SLC35D4: variants seen among roughly 807,000 people sequenced by gnomAD.
SLC35D4 encodes the protein UDP-N-acetylglucosamine transporter SLC35D4.
At chr18:23,412,316 C>CA in the SLC35D4 span, among the ~76,000 whole-genome samples, 1 of 152,104 alleles carries the variant, frequency 6.6e-6, no homozygotes, top group Admixed American at 6.6e-5. Flanking sequence ...GACTCTGTCT[C>CA]AAAAAACAAA....
chr18:23,323,506 A>T, the SLC35D4 span, among the ~76,000 whole-genome samples: 1 of 152,176 alleles, frequency 6.6e-6, no homozygotes, highest in Admixed American at 6.5e-5. Flanking sequence ...CAAGGACTGG[A>T]CCCTGGCTCC....
At chr18:23,408,809 T>C in the SLC35D4 span, among the ~76,000 whole-genome samples, 1 of 141,382 alleles carries the variant, frequency 7.1e-6, no homozygotes, top group East Asian at 2.0e-4. Flanking sequence ...TTCTATATCT[T>C]ATCTCTCTTT....
the SLC35D4 span, among the ~76,000 whole-genome samples, chr18:23,367,593 T>G: frequency 0.019 from 2,850 of 152,056 alleles, 89 homozygotes; most frequent in African/African-American, 0.065. Context: ...TCCTACACTG[T>G]GACCTCCTTG....
At chr18:23,281,657 G>C in the SLC35D4 span, among the ~76,000 whole-genome samples, 2 of 152,128 alleles carry the variant, frequency 1.3e-5, no homozygotes, top group African/African-American at 4.8e-5. Flanking sequence ...ATCTCTGTGT[G>C]TCTAAGAAGA....
At chr18:23,391,498 A>G in the SLC35D4 span, among the ~76,000 whole-genome samples, 1 of 152,150 alleles carries the variant, frequency 6.6e-6, no homozygotes, top group South Asian at 2.1e-4. Context: ...GAAAACTTCA[A>G]TTAGTTGTAA....
chr18:23,274,973 TTG>T, the SLC35D4 span, among the ~76,000 whole-genome samples: 13 of 145,144 alleles, frequency 9.0e-5, no homozygotes, highest in African/African-American at 2.3e-4. Context: ...GTGTGTGCGC[TTG>T]TGTCTGAGTG....
At chr18:23,283,503 AAAAGAAAAG>A in the SLC35D4 span, among the ~76,000 whole-genome samples, 1,166 of 150,208 alleles carry the variant, frequency 7.8e-3, 25 homozygotes, top group South Asian at 0.052. Flanking sequence ...AGAAAGAAAG[AAAAGAAAAG>A]AAAGAAAAGA....
chr18:23,436,437 C>T, the SLC35D4 span, among the ~76,000 whole-genome samples: 1 of 152,134 alleles, frequency 6.6e-6, no homozygotes, highest in Admixed American at 6.6e-5. Flanking sequence ...GAAGTAAAAC[C>T]CATCACTGCC....
At chr18:23,302,163 G>A in the SLC35D4 span, among the ~76,000 whole-genome samples, 1 of 152,220 alleles carries the variant, frequency 6.6e-6, no homozygotes, top group East Asian at 1.9e-4. Context: ...CCTGTCACTC[G>A]CCAGCCACCT....
the SLC35D4 span, among the ~76,000 whole-genome samples, chr18:23,335,113 C>T: frequency 6.6e-6 from 1 of 152,056 alleles, no homozygotes; most frequent in Non-Finnish European, 1.5e-5. Flanking sequence ...TGAATAACTA[C>T]ACTTTATACA....
chr18:23,414,343 C>CAGGT, the SLC35D4 span, among the ~76,000 whole-genome samples: 1 of 109,148 alleles, frequency 9.2e-6, no homozygotes, highest in Non-Finnish European at 2.0e-5. Flanking sequence ...GGCAGGCAGG[C>CAGGT]AGGCAGGCAG....
At chr18:23,275,016 T>TGTGTGAGTGTGCGTATGC in the SLC35D4 span, among the ~76,000 whole-genome samples, 2 of 149,216 alleles carry the variant, frequency 1.3e-5, no homozygotes, top group East Asian at 4.0e-4. Flanking sequence ...TGTATGTGTG[T>TGTGTGAGTGTGCGTATGC]GCTTGTGTGT....
chr18:23,241,671 C>A, the SLC35D4 span, among the ~76,000 whole-genome samples: 1 of 152,202 alleles, frequency 6.6e-6, no homozygotes, highest in Non-Finnish European at 1.5e-5. Context: ...TTTAATTTCT[C>A]TTGGGGTAAA....
chr18:23,369,196 T>C, the SLC35D4 span, among the ~76,000 whole-genome samples: 1 of 152,250 alleles, frequency 6.6e-6, no homozygotes, highest in Non-Finnish European at 1.5e-5. Flanking sequence ...GCAACTCTAC[T>C]GGCTTCTTGC....
the SLC35D4 span, among the ~76,000 whole-genome samples, chr18:23,295,425 C>T: frequency 6.6e-6 from 1 of 151,884 alleles, no homozygotes; most frequent in Non-Finnish European, 1.5e-5. Flanking sequence ...CAGGCAGCTA[C>T]TATTATTTTT....
the SLC35D4 span, among the ~76,000 whole-genome samples, chr18:23,292,775 G>A: frequency 3.9e-5 from 6 of 152,176 alleles, no homozygotes; most frequent in African/African-American, 1.4e-4. Context: ...CTACCATTGG[G>A]AAGAATCAAT....
chr18:23,397,319 A>G, the SLC35D4 span, among the ~76,000 whole-genome samples: 1 of 152,242 alleles, frequency 6.6e-6, no homozygotes, highest in African/African-American at 2.4e-5. Flanking sequence ...GACTGATCCA[A>G]TCAGAGTGAA....
chr18:23,298,917 C>T, the SLC35D4 span, among the ~76,000 whole-genome samples: 1 of 152,202 alleles, frequency 6.6e-6, no homozygotes, highest in Admixed American at 6.5e-5. Context: ...CTGCAACACA[C>T]GCCCAGGCCA....
chr18:23,399,578 T>C, the SLC35D4 span: 1 of 1,613,800 alleles, frequency 6.2e-7, no homozygotes, highest in Middle Eastern at 1.7e-4. Flanking sequence ...GTCTGGACAA[T>C]GCTCTGGACC....
Sources: gnomAD v4.1 joint callset for allele counts (sites outside exome capture counted in the v4.1 genomes callset) on GRCh38, gnomAD v4.1.1 for gene constraint, MANE v1.5 for transcripts, NCBI Gene and HGNC (gene_info 2026-07-23, HGNC 2026-07-21) for gene names.